The following NRXN1 variants were observed in gnomAD, a reference collection of about 807,000 sequenced individuals.
NRXN1 encodes the protein neurexin-1.
In NRXN1, 39 loss-of-function variants were observed where a neutral mutation model predicts 150.9. The ratio of observed to expected loss-of-function variants is 0.26; its 90% CI spans 0.20 to 0.34. The LOEUF is 0.34. Among genes scored for constraint, NRXN1 ranks in the 10% least tolerant of loss-of-function variants. The pLI, the probability that NRXN1 is intolerant of heterozygous loss-of-function variation, is 1.00. For missense variants in NRXN1, 1,815 were observed against 1,949.9 expected, an observed-to-expected ratio of 0.93 and a Z score of 1.30; for synonymous variants, 924 against 757.0, an observed-to-expected ratio of 1.22 and a Z score of -3.62.
At chr2:50,270,804 C>T (rs1249048874) in intron 17 of NRXN1, among the ~76,000 whole-genome samples, 1 of 151,736 alleles carries the variant, frequency 6.6e-6, no homozygotes, top group Non-Finnish European at 1.5e-5. Context: ...CAAGTAGCTG[C>T]GGCTACACCA....
chr2:50,971,408 C>T (rs1407832874), intron 2 of NRXN1, among the ~76,000 whole-genome samples: 2 of 151,938 alleles, frequency 1.3e-5, no homozygotes, highest in East Asian at 3.9e-4. Flanking sequence ...CATGGTGAAA[C>T]CCCGTCTCTA....
chr2:50,894,979 T>G (rs76076632), intron 5 of NRXN1, among the ~76,000 whole-genome samples: 104 of 152,298 alleles, frequency 6.8e-4, no homozygotes, highest in Middle Eastern at 3.4e-3. Flanking sequence ...CCATATCTCA[T>G]GCTTACATCA....
intron 17 of NRXN1, among the ~76,000 whole-genome samples, chr2:50,292,119 G>A (rs1283106282): frequency 6.6e-6 from 1 of 152,090 alleles, no homozygotes; most frequent in African/African-American, 2.4e-5. Flanking sequence ...GGCCAAATCT[G>A]ACCCACTGCC....
chr2:50,342,574 A>T (rs1169499127), intron 17 of NRXN1, among the ~76,000 whole-genome samples: 1 of 152,230 alleles, frequency 6.6e-6, no homozygotes, highest in Non-Finnish European at 1.5e-5. Context: ...TGCCTCCTGG[A>T]AAAACAGAGA....
chr2:50,845,317 A>G (rs545078861), intron 5 of NRXN1, among the ~76,000 whole-genome samples: 1 of 152,330 alleles, frequency 6.6e-6, no homozygotes, highest in Admixed American at 6.5e-5. Context: ...TTTATTGAGT[A>G]CTTACTATAA....
chr2:50,659,588 A>G lies in NRXN1; in HGVS notation c.833-35973T>C, dbSNP rs562576819. On this transcript the variant is annotated intron_variant, in intron 5 of 22. Coordinates refer to ENST00000401669, the MANE Select transcript of NRXN1 (RefSeq NM_001330078.2). The stretch of plus-strand genomic sequence containing the variant: ...TTAAAAATATTATAAATTTCTTTAC[A>G]TTTAGAAACCAAATATACTTCTATA... Among the ~76,000 whole-genome samples the G allele has an allele frequency of 4.4e-3, 666 of 152,082 alleles. 5 individuals carry two copies. Among genetic ancestry groups the G allele is most frequent in the African/African-American group, 0.015 (620 of 41,556 alleles).
chr2:50,668,160 AGGG>A, intron 5 of NRXN1, among the ~76,000 whole-genome samples: 1 of 152,000 alleles, frequency 6.6e-6, no homozygotes, highest in Non-Finnish European at 1.5e-5. Context: ...ACTGCTTTCC[AGGG>A]TCACACTTGA....
chr2:50,791,695 G>GC (rs1706074430), intron 5 of NRXN1, among the ~76,000 whole-genome samples: 2 of 152,042 alleles, frequency 1.3e-5, no homozygotes, highest in Non-Finnish European at 1.5e-5. Context: ...TTGTATAGCC[G>GC]CAATTATACT....
intron 8 of NRXN1, among the ~76,000 whole-genome samples, chr2:50,592,262 T>C (rs997852621): frequency 1.3e-5 from 2 of 152,240 alleles, no homozygotes; most frequent in Non-Finnish European, 2.9e-5. Context: ...ATTAAAAGTA[T>C]TGAAACCCTA....
At chr2:50,834,168 G>A (rs541661575) in intron 5 of NRXN1, among the ~76,000 whole-genome samples, 2 of 152,076 alleles carry the variant, frequency 1.3e-5, no homozygotes, top group Non-Finnish European at 2.9e-5. Context: ...AAACTGAGAA[G>A]TAGTCAAAAG....
chr2:50,817,493 C>G (rs923426161), intron 5 of NRXN1, among the ~76,000 whole-genome samples: 3 of 152,014 alleles, frequency 2.0e-5, no homozygotes. Flanking sequence ...CATTTCCATA[C>G]TTATTTTATG....
intron 10 of NRXN1, 47 bp downstream of exon 10, chr2:50,538,206 A>G (rs201115749): frequency 3.2e-6 from 5 of 1,569,594 alleles, no homozygotes; most frequent in Non-Finnish European, 3.5e-6. Flanking sequence ...AACATTTAAT[A>G]AACTTTTCAT....
chr2:50,905,805 A>T (rs1683584173), intron 5 of NRXN1, among the ~76,000 whole-genome samples: 1 of 152,142 alleles, frequency 6.6e-6, no homozygotes, highest in South Asian at 2.1e-4. Flanking sequence ...AAGGGCTTTG[A>T]ATAGAATTTA....
At chr2:50,742,546 T>G (rs1699552796) in intron 5 of NRXN1, among the ~76,000 whole-genome samples, 1 of 147,194 alleles carries the variant, frequency 6.8e-6, no homozygotes, top group African/African-American at 2.5e-5. Flanking sequence ...AGGCGGAGGT[T>G]GCAGTGAGCC....
At chr2:50,797,248 T>C (rs1706962104) in intron 5 of NRXN1, among the ~76,000 whole-genome samples, 1 of 152,154 alleles carries the variant, frequency 6.6e-6, no homozygotes, top group Non-Finnish European at 1.5e-5. Context: ...TACAGACTTT[T>C]TTCCTCTGTA....
intron 21 of NRXN1, chr2:50,022,756 C>G (rs1687757971): frequency 6.6e-6 from 1 of 152,190 alleles, no homozygotes; most frequent in African/African-American, 2.4e-5. Context: ...TTTAGTTATA[C>G]TCCATAATTT....
At chr2:50,745,308 CA>C (rs905606883) in intron 5 of NRXN1, among the ~76,000 whole-genome samples, 19 of 148,008 alleles carry the variant, frequency 1.3e-4, no homozygotes, top group African/African-American at 4.5e-4. Flanking sequence ...TGCCCCCCCC[CA>C]GGACTGAAAA....
chr2:50,866,960 ACT>A (rs2106071111), intron 5 of NRXN1, among the ~76,000 whole-genome samples: 1 of 151,822 alleles, frequency 6.6e-6, no homozygotes, highest in South Asian at 2.1e-4. Context: ...TTTCCATAAT[ACT>A]CTCTTAAGCT....
intron 18 of NRXN1, among the ~76,000 whole-genome samples, chr2:50,091,711 C>T (rs972681158): frequency 6.6e-6 from 1 of 152,170 alleles, no homozygotes; most frequent in Non-Finnish European, 1.5e-5. Flanking sequence ...CCAAAAGGCA[C>T]ACTTTCAAGG....
Sources: allele counts gnomAD v4.1 joint callset (sites outside exome capture counted in the v4.1 genomes callset), GRCh38; gene constraint gnomAD v4.1.1; transcripts MANE v1.5; gene names NCBI Gene and HGNC (gene_info 2026-07-23, HGNC 2026-07-21).